The following DNAJC24 variants were observed in gnomAD, a reference collection of about 807,000 sequenced individuals.
The protein encoded by DNAJC24 is DnaJ heat shock protein family (Hsp40) member C24.
A neutral mutation model predicts 18.0 loss-of-function variants in DNAJC24; 17 were observed. The observed-to-expected ratio is 0.94, with a 90% CI of 0.65 to 1.42. The LOEUF is 1.42. DNAJC24 is among the 40% of genes most tolerant of loss of function. The pLI is 0.00. For missense variants in DNAJC24, 158 were observed against 175.6 expected, an observed-to-expected ratio of 0.90 and a Z score of 0.57; for synonymous variants, 55 against 57.7, an observed-to-expected ratio of 0.95 and a Z score of 0.21.
At chr11:31,380,767 T>A (rs573440617) in intron 2 of DNAJC24, among the ~76,000 whole-genome samples, 3 of 152,186 alleles carry the variant, frequency 2.0e-5, no homozygotes, top group Non-Finnish European at 4.4e-5. Flanking sequence ...TATCAAGATA[T>A]AGAACATTTT....
At chr11:31,422,075 A>G (rs1564958243) in intron 3 of DNAJC24, 1 of 344,736 alleles carries the variant, frequency 2.9e-6, no homozygotes, top group African/African-American at 2.2e-5. Context: ...AGACAAATCC[A>G]ATAGAACACA....
At position 31,385,843 on chromosome 11, in the gene DNAJC24, G is replaced by A. The variant is rs184472215; in HGVS notation, c.111+14984G>A. Among the ~76,000 whole-genome samples, 363 of 152,290 alleles carry A rather than the reference G, an allele frequency of 2.4e-3. 2 individuals carry two copies. The highest frequency in any genetic ancestry group is 8.4e-3 in the African/African-American group (349 of 41,554). On this transcript the variant is annotated intron_variant, in intron 2 of 4. Transcript: ENST00000465995. ...TAACTATATTAAGGAAGGAGGCATG[G>A]AGTAGGATAGGAAAGACAGTCTTTA...
intron 4 of DNAJC24, chr11:31,429,336 A>C: frequency 4.8e-6 from 1 of 209,316 alleles, no homozygotes; most frequent in Non-Finnish European, 1.1e-5. Context: ...TTTAAACTAC[A>C]TATGATGCGA....
At chr11:31,403,125 ATGTGTGTG>A (rs3979423) in intron 2 of DNAJC24, among the ~76,000 whole-genome samples, 35 of 146,564 alleles carry the variant, frequency 2.4e-4, no homozygotes, top group Admixed American at 6.1e-4. Context: ...GCATATATGC[ATGTGTGTG>A]TGTGTGTGTG....
chr11:31,408,266 C>T (rs945246665), intron 2 of DNAJC24: 8 of 451,372 alleles, frequency 1.8e-5, no homozygotes, highest in African/African-American at 8.0e-5. Context: ...TTTTAGCACG[C>T]GTAACAGTTG....
intron 3 of DNAJC24, 101 bp from the exon 4 acceptor site, chr11:31,426,186 G>C (rs1952859398): frequency 1.4e-6 from 1 of 714,754 alleles, no homozygotes. Flanking sequence ...AGGTAAGTTA[G>C]AATTGTAGTG....
intron 2 of DNAJC24, among the ~76,000 whole-genome samples, chr11:31,393,778 A>C (rs1423391140): frequency 6.6e-6 from 1 of 152,156 alleles, no homozygotes; most frequent in African/African-American, 2.4e-5. Flanking sequence ...CATAAAGTAG[A>C]CTAAGACAAG....
At chr11:31,394,429 G>C (rs1475586071) in intron 2 of DNAJC24, among the ~76,000 whole-genome samples, 1 of 152,120 alleles carries the variant, frequency 6.6e-6, no homozygotes, top group Non-Finnish European at 1.5e-5. Flanking sequence ...TTAGGAAGTA[G>C]ATGAATTTGC....
intron 2 of DNAJC24, among the ~76,000 whole-genome samples, chr11:31,398,479 GA>G (rs1952565848): frequency 6.6e-6 from 1 of 152,096 alleles, no homozygotes; most frequent in Non-Finnish European, 1.5e-5. Flanking sequence ...TTTATTTAAA[GA>G]ATATTTGTAC....
intron 2 of DNAJC24, among the ~76,000 whole-genome samples, chr11:31,392,318 G>C (rs1176743581): frequency 6.6e-6 from 1 of 152,098 alleles, no homozygotes; most frequent in Non-Finnish European, 1.5e-5. Flanking sequence ...ACCCTGCTGT[G>C]ACTATTATGT....
chr11:31,399,739 C>CTTT (rs757871094), intron 2 of DNAJC24, among the ~76,000 whole-genome samples: 20 of 97,040 alleles, frequency 2.1e-4, no homozygotes, highest in Non-Finnish European at 3.2e-4. Context: ...ACTGTTTTTT[C>CTTT]TTTTTTTTTT....
In DNAJC24 at chr11:31,385,192, A is replaced by G. The variant is rs372617075; in HGVS notation, c.111+14333A>G. The G allele has an allele frequency of 9.2e-5, 14 of 152,336 alleles. No individual in the cohort carries two copies. The East Asian group carries it at 2.5e-3, about 27-fold the overall frequency. The allele number at this position is 152,336 out of a possible 1,614,324, so 9.4% of individuals were successfully genotyped here. The stretch of plus-strand genomic sequence containing the variant: ...TAAAAGGAACTTCAGGTGGTGAAGC[A>G]TTCAACTGGAGCAATTTATTATTAC... On this transcript the variant is annotated intron_variant, in intron 2 of 4. Coordinates refer to ENST00000465995, the MANE Select transcript of DNAJC24 (RefSeq NM_181706.5).
At chr11:31,411,796 T>A (rs1952713398) in intron 2 of DNAJC24, among the ~76,000 whole-genome samples, 1 of 152,198 alleles carries the variant, frequency 6.6e-6, no homozygotes, top group Non-Finnish European at 1.5e-5. Context: ...ATTTTCCAAA[T>A]AAAGTAACAT....
intron 2 of DNAJC24, among the ~76,000 whole-genome samples, chr11:31,406,054 G>T (rs935598682): frequency 6.7e-6 from 1 of 149,514 alleles, no homozygotes; most frequent in Non-Finnish European, 1.5e-5. Flanking sequence ...AATTTAACAT[G>T]AGTTTTGGAT....
At chr11:31,430,046 A>G (rs887843881) in intron 4 of DNAJC24, among the ~76,000 whole-genome samples, 4 of 152,214 alleles carry the variant, frequency 2.6e-5, no homozygotes, top group African/African-American at 9.6e-5. Context: ...CTTTTAATTC[A>G]TAGCTTCAAC....
chr11:31,423,227 A>G (rs1032625011), intron 3 of DNAJC24, among the ~76,000 whole-genome samples: 2 of 152,126 alleles, frequency 1.3e-5, no homozygotes, highest in Admixed American at 1.3e-4. Flanking sequence ...TTCACAGTAA[A>G]CACACCCATT....
At chr11:31,424,936 G>A (rs1952845986) in intron 3 of DNAJC24, among the ~76,000 whole-genome samples, 1 of 152,004 alleles carries the variant, frequency 6.6e-6, no homozygotes, top group Non-Finnish European at 1.5e-5. Context: ...AATTTTATTG[G>A]GGTGGGGAGT....
At chr11:31,389,969 A>G (rs544825490) in intron 2 of DNAJC24, among the ~76,000 whole-genome samples, 1 of 152,360 alleles carries the variant, frequency 6.6e-6, no homozygotes, top group Admixed American at 6.5e-5. Context: ...AAATGTTAAA[A>G]GGAAACACAA....
At chr11:31,389,112 A>T (rs1952461091) in intron 2 of DNAJC24, among the ~76,000 whole-genome samples, 1 of 152,166 alleles carries the variant, frequency 6.6e-6, no homozygotes, top group African/African-American at 2.4e-5. Context: ...AAAACCACAA[A>T]ACAACCAGAA....
Sources: gnomAD v4.1 joint callset for allele counts (sites outside exome capture counted in the v4.1 genomes callset) on GRCh38, gnomAD v4.1.1 for gene constraint, MANE v1.5 for transcripts, NCBI Gene and HGNC (gene_info 2026-07-23, HGNC 2026-07-21) for gene names.